Variants in CDC42BPB observed in about 807,000 individuals in gnomAD.
The protein encoded by CDC42BPB is serine/threonine-protein kinase MRCK beta.
Under a neutral mutation model 214.9 loss-of-function variants are expected in CDC42BPB, and 37 were observed. The ratio of observed to expected loss-of-function variants is 0.17; its 90% confidence interval spans 0.13 to 0.23. The LOEUF (loss-of-function observed/expected upper bound fraction) is 0.23, where lower values mean the gene tolerates loss of function less well. CDC42BPB is among the 10% of genes least tolerant of loss of function. CDC42BPB has a pLI of 1.00. For missense variants in CDC42BPB, 1,694 were observed against 2,227.0 expected (o/e 0.76, Z 4.82); for synonymous variants, 931 against 884.0 (o/e 1.05, Z -0.94).
At chr14:103,051,165 G>GGGGGGGGGGGGGGGGGGGGGGGGGTTA in intron 1 of CDC42BPB, among the ~76,000 whole-genome samples, 1 of 58,780 alleles carries the variant, frequency 1.7e-5, no homozygotes, top group South Asian at 5.9e-4. Flanking sequence ...GGGGGGGCGG[G>GGGGGGGGGGGGGGGGGGGGGGGGGTTA]AGATTACTAC....
intron 1 of CDC42BPB, among the ~76,000 whole-genome samples, chr14:103,054,630 T>C (rs1888840983): frequency 6.6e-6 from 1 of 152,270 alleles, no homozygotes; most frequent in South Asian, 2.1e-4. Flanking sequence ...ACGTATATGT[T>C]AACATAAATG....
chr14:102,968,967 T>TC (rs1893348657), intron 14 of CDC42BPB: 1 of 843,982 alleles, frequency 1.2e-6, no homozygotes, highest in African/African-American at 1.8e-5. Context: ...CACACCCTGT[T>TC]CATTCATGCT....
intron 11 of CDC42BPB, 40 bp downstream of exon 11, chr14:102,975,644 C>CCTTT: frequency 1.9e-6 from 3 of 1,603,618 alleles, no homozygotes; most frequent in Non-Finnish European, 2.6e-6. Context: ...CAGTAATGAC[C>CCTTT]AAAAATAGAG....
intron 20 of CDC42BPB, chr14:102,959,982 G>A (rs1403971990): frequency 2.2e-5 from 6 of 268,226 alleles, no homozygotes; most frequent in African/African-American, 2.3e-5. Context: ...CGAGGTGGGC[G>A]GATCACCTGA....
intron 20 of CDC42BPB, among the ~76,000 whole-genome samples, chr14:102,960,890 T>C (rs1892927290): frequency 6.6e-6 from 1 of 152,190 alleles, no homozygotes; most frequent in Admixed American, 6.5e-5. Flanking sequence ...CTGGGCACGG[T>C]GGCTCACGCC....
At chr14:102,973,972 G>A (rs1399398945) in intron 12 of CDC42BPB, 44 bp downstream of exon 12, 2 of 1,565,740 alleles carry the variant, frequency 1.3e-6, no homozygotes, top group Non-Finnish European at 1.7e-6. Flanking sequence ...ACAGAATTCT[G>A]CAAAGTCCCG....
intron 1 of CDC42BPB, among the ~76,000 whole-genome samples, chr14:103,013,828 GT>G: frequency 6.6e-6 from 1 of 152,270 alleles, no homozygotes; most frequent in African/African-American, 2.4e-5. Context: ...AATATCTGTT[GT>G]TTAAGCCCCC....
chr14:103,007,633 G>T (rs1467163284), intron 3 of CDC42BPB, among the ~76,000 whole-genome samples: 1 of 152,238 alleles, frequency 6.6e-6, no homozygotes, highest in Non-Finnish European at 1.5e-5. Flanking sequence ...CCGCAGCGCT[G>T]CCAGGCACAG....
intron 9 of CDC42BPB, chr14:102,976,289 G>C (rs958107334): frequency 1.1e-5 from 9 of 787,850 alleles, no homozygotes; most frequent in Non-Finnish European, 1.2e-5. Context: ...AGGGGAAATG[G>C]CATTTCTAAA....
At chr14:102,983,102 TG>T (rs1894077260) in intron 7 of CDC42BPB, among the ~76,000 whole-genome samples, 1 of 152,136 alleles carries the variant, frequency 6.6e-6, no homozygotes, top group African/African-American at 2.4e-5. Context: ...GACTGATTTC[TG>T]GGGAACAGAC....
In CDC42BPB at chr14:102,974,011, C is replaced by G. The variant is rs764957215; in HGVS notation, c.1641+5G>C. On this transcript the variant is annotated splice_donor_5th_base_variant and intron_variant, in intron 12 of 36. Transcript: ENST00000361246. Reference sequence around the variant, plus strand: ...GCCTTTCTCACCCCAAACTGAGCCACCTACCTTGTGCAGCTCCTCCTTCTC... The same window carrying G: ...GCCTTTCTCACCCCAAACTGAGCCAGCTACCTTGTGCAGCTCCTCCTTCTC... 1 of 1,600,890 alleles carries G rather than the reference C, an allele frequency of 6.2e-7. No individual in the cohort carries two copies.
intron 1 of CDC42BPB, among the ~76,000 whole-genome samples, chr14:103,030,220 C>T (rs988920746): frequency 6.6e-6 from 1 of 152,256 alleles, no homozygotes; most frequent in Non-Finnish European, 1.5e-5. Flanking sequence ...AGCACGGTAT[C>T]AAAGCCCTCT....
chr14:103,003,587 A>G (rs1357319582), intron 4 of CDC42BPB, among the ~76,000 whole-genome samples: 1 of 152,204 alleles, frequency 6.6e-6, no homozygotes, highest in Non-Finnish European at 1.5e-5. Flanking sequence ...GGAGGCAAAA[A>G]CATCCACGTG....
At position 102,972,021 on chromosome 14, in the gene CDC42BPB, C is replaced by T. The variant is rs762244343; in HGVS notation, c.1782G>A (p.Val594=). ...CCTCCTTGTCTCGCAGCTGCCGGGA[C>T]ACCTTCTGCTTCTGGGCACGGAGCT... ...MAELRAQKQK[V]SRQLRDKEEE... is the part of the protein sequence containing the mutation. The change falls in exon 13 of 37, where the codon GTG becomes GTA. Residue 594 remains valine (V), a synonymous_variant. Transcript: ENST00000361246. 3 of 1,614,268 alleles carry T rather than the reference C, an allele frequency of 1.9e-6. No homozygotes were observed. Among genetic ancestry groups the T allele is most frequent in the East Asian group, 4.5e-5 (2 of 44,884 alleles).
chr14:103,009,410 A>G (rs545155414), intron 2 of CDC42BPB, among the ~76,000 whole-genome samples: 1 of 152,268 alleles, frequency 6.6e-6, no homozygotes, highest in South Asian at 2.1e-4. Context: ...GATTTCTAAA[A>G]TCCATCTTGT....
intron 30 of CDC42BPB, chr14:102,940,559 T>A: frequency 8.8e-7 from 1 of 1,132,176 alleles, no homozygotes; most frequent in Non-Finnish European, 1.2e-6. Context: ...TAACTAATAT[T>A]TTGAATACTA....
chr14:102,983,441 C>G, intron 7 of CDC42BPB, 115 bp downstream of exon 7: 1 of 1,481,812 alleles, frequency 6.7e-7, no homozygotes, highest in Middle Eastern at 1.8e-4. Flanking sequence ...AACCCCGTCA[C>G]CTCTTCCTCA....
At chr14:102,941,038 G>T in intron 30 of CDC42BPB, 1 of 857,658 alleles carries the variant, frequency 1.2e-6, no homozygotes, top group Non-Finnish European at 1.4e-6. Context: ...TTGGCCATTT[G>T]GAGTTTAAGG....
chr14:102,937,947 G>T (rs1326804575), intron 36 of CDC42BPB, among the ~76,000 whole-genome samples, 157 bp downstream of exon 36: 1 of 152,160 alleles, frequency 6.6e-6, no homozygotes, highest in African/African-American at 2.4e-5. Flanking sequence ...CCTGGGGGAG[G>T]GGACAGCCAC....
Sources: allele counts gnomAD v4.1 joint callset (sites outside exome capture counted in the v4.1 genomes callset), GRCh38; gene constraint gnomAD v4.1.1; transcripts MANE v1.5; gene names NCBI Gene and HGNC (gene_info 2026-07-23, HGNC 2026-07-21).